Variants in PDE10A observed in about 807,000 individuals in gnomAD.
PDE10A encodes the protein cAMP and cAMP-inhibited cGMP 3',5'-cyclic phosphodiesterase 10A.
In PDE10A, 39 loss-of-function variants were observed where a neutral mutation model predicts 97.7. The observed-to-expected ratio is 0.40, with a 90% CI of 0.31 to 0.52. PDE10A has a LOEUF of 0.52. PDE10A is among the 20% of genes least tolerant of loss of function. PDE10A has a pLI of 0.56. For missense variants in PDE10A, 731 were observed against 1,047.8 expected, an observed-to-expected ratio of 0.70 and a Z score of 4.17; for synonymous variants, 371 against 376.8, an observed-to-expected ratio of 0.98 and a Z score of 0.18.
upstream of PDE10A, among the ~76,000 whole-genome samples, chr6:165,664,097 G>A (rs1277948898): frequency 1.3e-5 from 2 of 152,122 alleles, no homozygotes; most frequent in Non-Finnish European, 2.9e-5. Context: ...CTGCCTGGAC[G>A]AGGTCACCTT....
intron 1 of PDE10A, among the ~76,000 whole-genome samples, chr6:165,556,681 C>T (rs1784271266): frequency 6.6e-6 from 1 of 152,148 alleles, no homozygotes; most frequent in Non-Finnish European, 1.5e-5. Context: ...GTACCTCAGC[C>T]ACAATGCACA....
At chr6:165,971,242 G>A (rs1248290120) in intron 1 of PDE10A, among the ~76,000 whole-genome samples, 3 of 152,098 alleles carry the variant, frequency 2.0e-5, no homozygotes, top group African/African-American at 7.2e-5. Context: ...AATGGATTCT[G>A]ATTGTTAAAT....
In PDE10A at chr6:165,860,926, T is replaced by C. The variant is rs1191048174; in HGVS notation, c.-615+126603A>G. Among the ~76,000 whole-genome samples the C allele has an allele frequency of 3.3e-5, 5 of 152,174 alleles. No homozygotes were observed. In the East Asian group the frequency reaches 9.6e-4, roughly 29 times the overall value. On this transcript the variant is annotated intron_variant, in intron 1 of 19. Transcript: ENST00000366882. ...AGGTAACAGCTTAAAAACATTCACT[T>C]TTGCACATCACAGGTCAGAGTCCTG...
intron 1 of PDE10A, among the ~76,000 whole-genome samples, chr6:165,616,209 G>A (rs1171533623): frequency 6.6e-6 from 1 of 152,108 alleles, no homozygotes; most frequent in East Asian, 1.9e-4. Context: ...GTAGCTCCCG[G>A]TGTATCTCCT....
chr6:165,788,386 G>A (rs1380653135), intron 1 of PDE10A, among the ~76,000 whole-genome samples: 1 of 151,618 alleles, frequency 6.6e-6, no homozygotes, highest in Non-Finnish European at 1.5e-5. Flanking sequence ...GCATGGTGGT[G>A]AGCACCTGTA....
intron 10 of PDE10A, among the ~76,000 whole-genome samples, chr6:165,424,680 G>A (rs1005873942): frequency 6.6e-5 from 10 of 152,086 alleles, no homozygotes; most frequent in African/African-American, 2.2e-4. Context: ...TGAGCAATCC[G>A]ATGTATGAAT....
In PDE10A at chr6:165,349,283, G is replaced by A. The variant is rs543775728; in HGVS notation, c.2784-5781C>T. 7.9e-5 allele frequency among the ~76,000 whole-genome samples: 12 copies of A among 152,298 alleles called. No individual in the cohort carries two copies. In the South Asian group the frequency reaches 2.5e-3, roughly 32 times the overall value. ...TGGCTTTGACCAAAATGCTGACAGT[G>A]ATAAGGACAATGAAGTCCAGGCTGG... is the stretch of plus-strand genomic sequence containing the variant. On this transcript the variant is annotated intron_variant, in intron 18 of 21. Coordinates refer to ENST00000539869, the MANE Select transcript of PDE10A (RefSeq NM_001385079.1).
chr6:165,922,984 A>T (rs914336728), intron 1 of PDE10A, among the ~76,000 whole-genome samples: 7 of 152,228 alleles, frequency 4.6e-5, no homozygotes, highest in African/African-American at 1.7e-4. Context: ...CCCTGAGATT[A>T]AAGTAGGTCA....
chr6:165,597,585 C>T (rs1221755447), intron 1 of PDE10A, among the ~76,000 whole-genome samples: 2 of 152,142 alleles, frequency 1.3e-5, no homozygotes, highest in African/African-American at 2.4e-5. Flanking sequence ...GAAACACTCC[C>T]TCAAATATGT....
chr6:165,938,596 C>T (rs936335921), intron 1 of PDE10A, among the ~76,000 whole-genome samples: 14 of 152,256 alleles, frequency 9.2e-5, no homozygotes, highest in Middle Eastern at 3.4e-3. Context: ...CCCCAAAAAA[C>T]GCACCTGGGG....
chr6:165,767,468 C>G (rs1258641372), intron 1 of PDE10A, among the ~76,000 whole-genome samples: 1 of 152,222 alleles, frequency 6.6e-6, no homozygotes, highest in Admixed American at 6.5e-5. Flanking sequence ...TCCCTGGCAA[C>G]CACTAGCCTC....
intron 1 of PDE10A, among the ~76,000 whole-genome samples, chr6:165,849,641 C>G (rs1780520207): frequency 1.3e-5 from 2 of 152,212 alleles, no homozygotes; most frequent in South Asian, 4.1e-4. Flanking sequence ...GAAACAACTT[C>G]ACACCATCTC....
chr6:165,334,090 C>A (rs983733417), intron 21 of PDE10A, among the ~76,000 whole-genome samples: 2 of 152,226 alleles, frequency 1.3e-5, no homozygotes, highest in African/African-American at 4.8e-5. Context: ...AAGCCATACA[C>A]TAATTTTGGT....
At chr6:165,474,999 C>G (rs947097597) in intron 3 of PDE10A, among the ~76,000 whole-genome samples, 1 of 152,090 alleles carries the variant, frequency 6.6e-6, no homozygotes, top group African/African-American at 2.4e-5. Context: ...CACATGCACC[C>G]GCATCCCTGG....
At chr6:165,620,288 T>C (rs975819811) in intron 1 of PDE10A, among the ~76,000 whole-genome samples, 1 of 151,146 alleles carries the variant, frequency 6.6e-6, no homozygotes, top group Admixed American at 6.6e-5. Context: ...ACCCCCACCC[T>C]GGCCAGGCAG....
At chr6:165,342,469 C>G (rs1782029744) in intron 19 of PDE10A, among the ~76,000 whole-genome samples, 1 of 152,228 alleles carries the variant, frequency 6.6e-6, no homozygotes, top group Admixed American at 6.5e-5. Flanking sequence ...ATAATCAACT[C>G]AAGGTCTGTG....
At chr6:165,812,566 G>A (rs74886704) in intron 1 of PDE10A, among the ~76,000 whole-genome samples, 9,290 of 152,274 alleles carry the variant, frequency 0.061, 356 homozygotes, top group Non-Finnish European at 0.087. Flanking sequence ...TTTTAAGAAT[G>A]GGTAGTGACT....
intron 13 of PDE10A, among the ~76,000 whole-genome samples, chr6:165,401,250 T>C (rs1408250151): frequency 1.3e-5 from 2 of 152,142 alleles, no homozygotes; most frequent in African/African-American, 2.4e-5. Context: ...ACATGACATA[T>C]AAATTTCAGC....
At chr6:165,645,360 C>T (rs1390874201) in intron 1 of PDE10A, among the ~76,000 whole-genome samples, 1 of 152,180 alleles carries the variant, frequency 6.6e-6, no homozygotes, top group Non-Finnish European at 1.5e-5. Flanking sequence ...CTCAAATGAA[C>T]CACCTGTCCT....
Sources: gnomAD v4.1 joint callset for allele counts (sites outside exome capture counted in the v4.1 genomes callset) on GRCh38, gnomAD v4.1.1 for gene constraint, MANE v1.5 for transcripts, NCBI Gene and HGNC (gene_info 2026-07-23, HGNC 2026-07-21) for gene names.